ATP6AP1: variants seen among roughly 807,000 people sequenced by gnomAD.
ATP6AP1 encodes the protein V-type proton ATPase subunit S1.
ATP6AP1 carries 1 observed loss-of-function variant against 32.0 expected under a neutral mutation model. That is an observed-to-expected ratio of 0.03 (90% CI 0.01 to 0.15). The LOEUF (loss-of-function observed/expected upper bound fraction) is 0.15. Among genes scored for constraint, ATP6AP1 ranks in the 10% least tolerant of loss-of-function variants. The pLI is 1.00. For synonymous variants in ATP6AP1, 187 were observed against 174.9 expected (o/e 1.07, Z -0.55); for missense variants, 297 against 398.8 (o/e 0.74, Z 2.17).
intron 2 of ATP6AP1, 125 bp from the exon 3 acceptor site, chrX:154,431,705 T>C (rs1436730109): frequency 4.0e-5 from 20 of 504,206 alleles, no homozygotes; most frequent in Non-Finnish European, 2.8e-5. Context: ...TGCTCCACCA[T>C]ACTGAACCTG....
chrX:154,431,682 C>T, intron 2 of ATP6AP1, 148 bp from the exon 3 acceptor site: 1 of 533,641 alleles, frequency 1.9e-6, no homozygotes, highest in Non-Finnish European at 3.2e-6. Flanking sequence ...CCACCCCCAC[C>T]AACACACAGT....
rs74526112 is a variant in ATP6AP1 at position 154,429,112 on chromosome X, A to T, written c.226A>T (p.Thr76Ser). 1 of 1,211,181 alleles carries T rather than the reference A, an allele frequency of 8.3e-7. No homozygotes were observed. The highest frequency in any genetic ancestry group is 1.1e-6 in the Non-Finnish European group (1 of 895,286). ...GHITSDLQLS[T>S]YLDPALELGP... ...CATCACCAGCGACTTGCAGCTCTCT[A>T]CCTACTTAGATCCCGCCCTGGAGCT... The change falls in exon 2 of 10, where the codon ACC (threonine) becomes TCC (serine). Residue 76 changes from threonine to serine, a missense_variant. Thr to Ser is a moderately conservative substitution (Grantham distance 58, BLOSUM62 1). Around this residue, in one of 2 missense-constraint regions of ATP6AP1, gnomAD observed 142 missense variants for 145.0 expected, o/e 0.98. Transcript: ENST00000369762.
At position 154,433,693 on chromosome X, in the gene ATP6AP1, G is replaced by A. The variant is rs2068705584; in HGVS notation, c.657G>A (p.Ala219=). ...AGTCCGAAGATGTCCCATACACAGC[G>A]GCCCTCACAGCGGTCCGCCCTTCCA... is the stretch of plus-strand genomic sequence containing the variant. The part of the protein sequence containing the change: ...TLKSEDVPYT[A]ALTAVRPSRV... Residue 219 remains alanine, a synonymous_variant, in exon 6 of 10, where the codon GCG becomes GCA. Transcript: ENST00000369762. 6 of 1,211,656 alleles carry A rather than the reference G, an allele frequency of 5.0e-6. No individual in the cohort carries two copies. Among genetic ancestry groups the A allele is most frequent in the Middle Eastern group, 2.3e-4 (1 of 4,347 alleles).
In ATP6AP1 at chrX:154,436,038, C is replaced by G; in HGVS notation, c.*147C>G. On this transcript the variant is annotated 3_prime_UTR_variant, in exon 10 of 10. Coordinates refer to ENST00000369762, the MANE Select transcript of ATP6AP1 (RefSeq NM_001183.6). ...CAGCCCATCTTGCTCCCTCTTCAGC[C>G]CGCTGAGGAGCTTTCTTGGGCTGCC... 3.5e-6 allele frequency: 2 copies of G among 570,839 alleles called. No homozygotes were observed. Among genetic ancestry groups the G allele is most frequent in the Non-Finnish European group, 5.6e-6 (2 of 358,781 alleles). 47.0% of individuals were successfully genotyped at this position (570,839 alleles called of 1,213,427 possible).
chrX:154,435,261 C>T lies in ATP6AP1; in HGVS notation c.972-13C>T, dbSNP rs2068712991. ...CTCCCCAGCTCACCTGACATCCCTG[C>T]CACCTTCCCCAGGTTCATTCTGGCC... On this transcript the variant is annotated splice_polypyrimidine_tract_variant and intron_variant, in intron 8 of 9. Transcript: ENST00000369762. 1 of 1,208,572 alleles carries T rather than the reference C, an allele frequency of 8.3e-7. No homozygotes were observed. The highest frequency in any genetic ancestry group is 1.8e-5 in the African/African-American group (1 of 57,109).
chrX:154,433,053 G>A, intron 5 of ATP6AP1, 82 bp downstream of exon 5: 1 of 1,096,377 alleles, frequency 9.1e-7, no homozygotes, highest in Non-Finnish European at 1.3e-6. Flanking sequence ...CAGTTCCTCG[G>A]CCTCCTCACT....
rs781836064 is a variant in ATP6AP1 at position 154,433,672 on chromosome X, C to T, written c.636C>T (p.Ser212=). 1.3e-5 allele frequency: 16 copies of T among 1,210,563 alleles called. 2 individuals are homozygous for T. Among genetic ancestry groups the T allele is most frequent in the Admixed American group, 1.3e-4 (6 of 45,856 alleles). ...GGCAGGTCCTGAGCACACTCAAGTC[C>T]GAAGATGTCCCATACACAGCGGCCC... ...VIGQVLSTLK[S]EDVPYTAALT... Residue 212 remains serine (S), a synonymous_variant, in exon 6 of 10, where the codon TCC becomes TCT. Transcript: ENST00000369762.
Position 154,431,977 on chromosome X carries a change from C to G in ATP6AP1, c.363+73C>G, listed in dbSNP as rs782275475. ...CTTCTCCCAGCATAAGAACTGTACT[C>G]TGACCTCATATCAGGGTTACTTGGG... On this transcript the variant is annotated intron_variant, in intron 3 of 9. Transcript: ENST00000369762. 3.5e-5 allele frequency: 38 copies of G among 1,079,991 alleles called. No individual in the cohort carries two copies. In the East Asian group the frequency reaches 9.0e-4, roughly 26 times the overall value. The allele number at this position is 1,079,991 out of a possible 1,213,427, so 89.0% of individuals were successfully genotyped here.
At position 154,435,165 on chromosome X, in the gene ATP6AP1, T is replaced by A; in HGVS notation, c.950T>A (p.Phe317Tyr). The A allele has an allele frequency of 8.3e-7, 1 of 1,210,038 alleles. No homozygotes were observed. Among genetic ancestry groups the A allele is most frequent in the Non-Finnish European group, 1.1e-6 (1 of 894,499 alleles). ...ARLSLTYERLFGTTVTFKFIL... is the reference protein window; with the variant it reads ...ARLSLTYERLYGTTVTFKFIL... ...CTCTCACTGACCTATGAACGACTCT[T>A]TGGTACCACAGTGACATTCAAGTGA... Residue 317 changes from phenylalanine (F) to tyrosine (Y), a missense_variant, in exon 8 of 10, where the codon TTT (phenylalanine) becomes TAT (tyrosine). Transcript: ENST00000369762.
chrX:154,436,207 G>A lies in ATP6AP1; in HGVS notation c.*316G>A, dbSNP rs1399400601. 1.6e-5 allele frequency: 5 copies of A among 307,059 alleles called. No homozygotes were observed. Among genetic ancestry groups the A allele is most frequent in the Non-Finnish European group, 2.8e-5 (5 of 175,561 alleles). The allele number at this position is 307,059 out of a possible 1,213,427, so 25.3% of individuals were successfully genotyped here. On this transcript the variant is annotated 3_prime_UTR_variant, in exon 10 of 10. Transcript: ENST00000369762. The stretch of plus-strand genomic sequence containing the variant: ...TATTCTTGTGGCTACATCATCCCTG[G>A]CTGTGGATAGTGCTTTTGTGTAGCA...
chrX:154,428,733 C>G lies in ATP6AP1; in HGVS notation c.41C>G (p.Pro14Arg). Reference sequence around the variant, plus strand: ...GCGACGGCTCGAGTGCGGATGGGGCCGCGGTGCGCCCAGGCGCTCTGGCGC... The same window carrying G: ...GCGACGGCTCGAGTGCGGATGGGGCGGCGGTGCGCCCAGGCGCTCTGGCGC... ...AMATARVRMGPRCAQALWRMP... is the reference protein window; with the variant it reads ...AMATARVRMGRRCAQALWRMP... Residue 14 changes from proline (P) to arginine (R), a missense_variant, in exon 1 of 10, where the codon CCG (proline) becomes CGG (arginine). By Grantham distance (103) the Pro-to-Arg change is moderately radical. Around this residue, in one of 2 missense-constraint regions of ATP6AP1, gnomAD observed 142 missense variants for 145.0 expected, o/e 0.98. Transcript: ENST00000369762. The G allele has an allele frequency of 8.7e-7, 1 of 1,148,201 alleles. No individual in the cohort carries two copies. Among genetic ancestry groups the G allele is most frequent in the Non-Finnish European group, 1.2e-6 (1 of 868,096 alleles). The allele number at this position is 1,148,201 out of a possible 1,213,427, so 94.6% of individuals were successfully genotyped here.
At position 154,436,273 on chromosome X, in the gene ATP6AP1, G is replaced by C. The variant is rs905656657; in HGVS notation, c.*382G>C. Reference sequence around the variant, plus strand: ...AGGTTATAGGGCTCCCTGAGTTTGGGAGTGTGGAAGTACTACTTAACTGTC... The same window carrying C: ...AGGTTATAGGGCTCCCTGAGTTTGGCAGTGTGGAAGTACTACTTAACTGTC... On this transcript the variant is annotated 3_prime_UTR_variant, in exon 10 of 10. Coordinates refer to ENST00000369762, the MANE Select transcript of ATP6AP1 (RefSeq NM_001183.6). The C allele has an allele frequency of 5.2e-6, 1 of 190,596 alleles. No homozygotes were observed. Among genetic ancestry groups the C allele is most frequent in the African/African-American group, 2.9e-5 (1 of 33,990 alleles). The allele number at this position is 190,596 out of a possible 1,213,427, so 15.7% of individuals were successfully genotyped here. A position where few individuals can be genotyped will look rare whatever the true frequency, so the allele number is the denominator to read the frequency against.
chrX:154,434,587 G>A (rs1457292616), intron 7 of ATP6AP1, 141 bp downstream of exon 7: 9 of 588,866 alleles, frequency 1.5e-5, no homozygotes, highest in Admixed American at 6.1e-5. Context: ...TCTGGGCAGC[G>A]TGAGGATGTA....
At chrX:154,432,523 G>A (rs1425668685) in intron 4 of ATP6AP1, 64 bp downstream of exon 4, 2 of 1,096,711 alleles carry the variant, frequency 1.8e-6, no homozygotes, top group African/African-American at 3.7e-5. Flanking sequence ...CCTGGGCTAT[G>A]GCATGTGGTG....
At chrX:154,428,909 C>T (rs892467540) in intron 1 of ATP6AP1, 56 bp downstream of exon 1, 1 of 1,092,186 alleles carries the variant, frequency 9.2e-7, no homozygotes, top group Non-Finnish European at 1.2e-6. Flanking sequence ...CGCCCGACTC[C>T]GGCGCTGTCC....
In ATP6AP1 at chrX:154,435,903, T is replaced by TG. The variant is rs199817275; in HGVS notation, c.*19dup. On this transcript the variant is annotated 3_prime_UTR_variant, in exon 10 of 10. Coordinates refer to ENST00000369762, the MANE Select transcript of ATP6AP1 (RefSeq NM_001183.6). ...CCCAGATTGTGTGACCCTGTGCCAG[T>TG]GGGGGGGTTGAGGGTGGGACGGTGT... 17,443 of 1,194,439 alleles carry TG rather than the reference T, an allele frequency of 0.015. 1,661 individuals carry two copies. In the African/African-American group the frequency reaches 0.28, roughly 19 times the overall value.
Position 154,432,471 on chromosome X carries a change from A to G in ATP6AP1, c.557+12A>G. On this transcript the variant is annotated intron_variant, in intron 4 of 9. Coordinates refer to ENST00000369762, the MANE Select transcript of ATP6AP1 (RefSeq NM_001183.6). Reference sequence around the variant, plus strand: ...CCCTACACAGCCAGGTACTGCCCGCATGGCCCAGCCACCAGCCTCGGGGCC... The same window carrying G: ...CCCTACACAGCCAGGTACTGCCCGCGTGGCCCAGCCACCAGCCTCGGGGCC... The G allele has an allele frequency of 8.6e-7, 1 of 1,162,911 alleles. No homozygotes were observed. The highest frequency in any genetic ancestry group is 1.1e-6 in the Non-Finnish European group (1 of 869,788).
At position 154,429,126 on chromosome X, in the gene ATP6AP1, C is replaced by G; in HGVS notation, c.240C>G (p.Pro80=). ...SDLQLSTYLD[P]ALELGPRNVL... is the part of the protein sequence containing the mutation. ...TGCAGCTCTCTACCTACTTAGATCCCGCCCTGGAGCTGGGTCCCAGGAATG... is the reference window on the plus strand; with the variant it reads ...TGCAGCTCTCTACCTACTTAGATCCGGCCCTGGAGCTGGGTCCCAGGAATG... Residue 80 remains proline, a synonymous_variant, in exon 2 of 10, where the codon CCC becomes CCG. Transcript: ENST00000369762. 8.3e-7 allele frequency: 1 copy of G among 1,211,751 alleles called. No homozygotes were observed. The highest frequency in any genetic ancestry group is 1.1e-6 in the Non-Finnish European group (1 of 895,444).
intron 2 of ATP6AP1, chrX:154,430,917 T>A (rs1038748507): frequency 1.8e-5 from 2 of 110,359 alleles, no homozygotes; most frequent in African/African-American, 6.6e-5. Flanking sequence ...ATGTAGGAGA[T>A]GGTTTGCAGG....
Sources: allele counts gnomAD v4.1 joint callset, GRCh38; gene constraint gnomAD v4.1.1; regional missense constraint gnomAD v4.1.1; transcripts MANE v1.5; gene names NCBI Gene and HGNC (gene_info 2026-07-23, HGNC 2026-07-21).